The following CLCN6 variants were observed in gnomAD, a reference collection of about 807,000 sequenced individuals.
CLCN6 encodes Cl-/H+ antiporter 6, also known as H(+)/Cl(-) exchange transporter 6.
Under a neutral mutation model 109.8 loss-of-function variants are expected in CLCN6, and 70 were observed. The ratio of observed to expected loss-of-function variants is 0.64; its 90% CI spans 0.53 to 0.78. The LOEUF (loss-of-function observed/expected upper bound fraction) is 0.78. CLCN6 is among the 30% of genes least tolerant of loss of function. The pLI is 0.00. For synonymous variants in CLCN6, 444 were observed against 447.8 expected (o/e 0.99, Z 0.11); for missense variants, 984 against 1,142.3 (o/e 0.86, Z 2.00).
At position 11,834,542 on chromosome 1, in the gene CLCN6, T is replaced by C; in HGVS notation, c.1745T>C (p.Leu582Pro). ...GGCATTTATGATATCCACGTGGGCC[T>C]GCGAGGCGTGCCGCTTCTGGAATGG... ...NKGIYDIHVGLRGVPLLEWET... is the reference protein window; with the variant it reads ...NKGIYDIHVGPRGVPLLEWET... Residue 582 changes from leucine (L) to proline (P), a missense_variant, in exon 17 of 23, where the codon CTG becomes CCG. Leu to Pro is a moderately conservative substitution (Grantham distance 98). Transcript: ENST00000346436. This position sits in a 1 kb window ranked among gnomAD's most constrained non-coding sequence, Gnocchi z 4.5. 6.2e-7 allele frequency: 1 copy of C among 1,614,124 alleles called. No homozygotes were observed. The highest frequency in any genetic ancestry group is 2.2e-5 in the East Asian group (1 of 44,876).
intron 13 of CLCN6, among the ~76,000 whole-genome samples, chr1:11,829,673 C>T: frequency 7.1e-6 from 1 of 139,950 alleles, no homozygotes; most frequent in East Asian, 2.0e-4. Flanking sequence ...ACCCTGGCGT[C>T]ACAGAGGGGA....
chr1:11,825,906 G>GT (rs1031371555), intron 8 of CLCN6, among the ~76,000 whole-genome samples: 7 of 152,198 alleles, frequency 4.6e-5, no homozygotes, highest in Non-Finnish European at 1.0e-4. Flanking sequence ...GATTACAGGC[G>GT]TGAGCCATGA....
At chr1:11,824,442 G>A (rs374523990) in intron 7 of CLCN6, 44 bp from the exon 8 acceptor site, 50 of 1,541,500 alleles carry the variant, frequency 3.2e-5, no homozygotes, top group African/African-American at 1.6e-4. Flanking sequence ...ACCCAGGGGC[G>A]TTTCTGCACT....
chr1:11,811,243 G>A (rs1557777914), intron 2 of CLCN6, among the ~76,000 whole-genome samples: 1 of 152,010 alleles, frequency 6.6e-6, no homozygotes, highest in African/African-American at 2.4e-5. Context: ...CTAGCGTTGC[G>A]GTTGTTTCTA....
chr1:11,839,909 G>A (rs1644997861), intron 22 of CLCN6, among the ~76,000 whole-genome samples: 1 of 152,250 alleles, frequency 6.6e-6, no homozygotes, highest in African/African-American at 2.4e-5. Context: ...CCCTGTGGAA[G>A]GACATTTTAG....
In CLCN6 at chr1:11,838,398, A is replaced by T. The variant is rs1308537309; in HGVS notation, c.2359A>T (p.Ile787Phe). The T allele has an allele frequency of 1.9e-6, 3 of 1,613,892 alleles. No individual in the cohort carries two copies. Among genetic ancestry groups the T allele is most frequent in the African/African-American group, 2.7e-5 (2 of 74,920 alleles). Reference sequence around the variant, plus strand: ...CGAGGACTACCCGCGGTACCCCGACATCCACGACCTGGACCTGACGCTGCT... The same window carrying T: ...CGAGGACTACCCGCGGTACCCCGACTTCCACGACCTGGACCTGACGCTGCT... ...MAEDYPRYPD[I>F]HDLDLTLLNP... Residue 787 changes from isoleucine (I) to phenylalanine (F), a missense_variant, in exon 21 of 23, where the codon ATC (isoleucine) becomes TTC (phenylalanine). Ile to Phe is a conservative substitution (Grantham distance 21). Coordinates refer to ENST00000346436, the MANE Select transcript of CLCN6 (RefSeq NM_001286.5).
At chr1:11,822,404 A>G (rs1020421800) in intron 5 of CLCN6, among the ~76,000 whole-genome samples, 5 of 152,136 alleles carry the variant, frequency 3.3e-5, no homozygotes, top group Non-Finnish European at 5.9e-5. Context: ...GACCATAGGC[A>G]TATACCTTTT....
rs1644923977 is a variant in CLCN6 at position 11,834,764 on chromosome 1, C to CGGGGGCAGGGCA, written c.1793+179_1793+190dup. On this transcript the variant is annotated intron_variant, in intron 17 of 22. Transcript: ENST00000346436. This position sits in a 1 kb window ranked among gnomAD's most constrained non-coding sequence, Gnocchi z 4.5. ...GGAGCAGCCCATGGGCTGGGGGCTG[C>CGGGGGCAGGGCA]GGGGGCAGGGCAGGGGACACGGGCA... 6.6e-6 allele frequency among the ~76,000 whole-genome samples: 1 copy of CGGGGGCAGGGCA among 152,062 alleles called. No individual in the cohort carries two copies. Among genetic ancestry groups the CGGGGGCAGGGCA allele is most frequent in the South Asian group, 2.1e-4 (1 of 4,822 alleles).
In CLCN6 at chr1:11,837,641, C is replaced by CGCCACAGCCGGGTGGTGAGAA. The variant is rs1553121809; in HGVS notation, c.2295+145_2295+165dup. 5 of 793,010 alleles carry CGCCACAGCCGGGTGGTGAGAA rather than the reference C, an allele frequency of 6.3e-6. No homozygotes were observed. The African/African-American group carries it at 8.7e-5, about 14-fold the overall frequency. 49.1% of individuals were successfully genotyped at this position (793,010 alleles called of 1,614,324 possible). ...TGCAGAGTGGACTTAGGGGAGGAGT[C>CGCCACAGCCGGGTGGTGAGAA]GCCACAGCCGGGTGGTGAGAAGCAA... On this transcript the variant is annotated intron_variant, in intron 20 of 22. Transcript: ENST00000346436.
At chr1:11,813,391 GA>G (rs1246754043) in intron 2 of CLCN6, among the ~76,000 whole-genome samples, 5 of 150,244 alleles carry the variant, frequency 3.3e-5, no homozygotes, top group Admixed American at 1.3e-4. Context: ...CAGTAAAAAA[GA>G]TTTTTTTTTT....
Position 11,837,447 on chromosome 1 carries a change from C to G in CLCN6, c.2243C>G (p.Ser748Trp), listed in dbSNP as rs200061168. Residue 748 changes from serine to tryptophan, a missense_variant, in exon 20 of 23, where the codon TCG (serine) becomes TGG (tryptophan). Physicochemically the swap from Ser to Trp is radical, Grantham distance 177. Transcript: ENST00000346436. ...PLTFHGLILR[S>W]QLVTLLVRGV... The stretch of plus-strand genomic sequence containing the variant: ...ACCTTCCACGGCCTGATCCTTCGGT[C>G]GCAGCTTGTCACCCTGCTTGTCCGA... 1 of 1,614,104 alleles carries G rather than the reference C, an allele frequency of 6.2e-7. No individual in the cohort carries two copies. Among genetic ancestry groups the G allele is most frequent in the Non-Finnish European group, 8.5e-7 (1 of 1,180,000 alleles).
At chr1:11,813,089 C>A (rs1489170184) in intron 2 of CLCN6, among the ~76,000 whole-genome samples, 1 of 152,214 alleles carries the variant, frequency 6.6e-6, no homozygotes, top group African/African-American at 2.4e-5. Context: ...CTCCCACATC[C>A]CTATCTCCCC....
At position 11,837,121 on chromosome 1, in the gene CLCN6, G is replaced by A. The variant is rs1166223556; in HGVS notation, c.2103G>A (p.Glu701=). 1 of 1,613,248 alleles carries A rather than the reference G, an allele frequency of 6.2e-7. No individual in the cohort carries two copies. The highest frequency in any genetic ancestry group is 8.5e-7 in the Non-Finnish European group (1 of 1,180,010). ...ACATCGCCTCTGAGGAGCCAGCCGA[G>A]AAGGAGGACCTCCTGCAGCAGATGC... is the stretch of plus-strand genomic sequence containing the variant. ...DEHIASEEPA[E]KEDLLQQMLE... Residue 701 remains glutamate, a synonymous_variant, in exon 19 of 23, where the codon GAG becomes GAA. Transcript: ENST00000346436.
At chr1:11,824,585 G>A (rs1644788354) in intron 8 of CLCN6, 32 bp downstream of exon 8, 1 of 1,591,222 alleles carries the variant, frequency 6.3e-7, no homozygotes, top group South Asian at 1.1e-5. Flanking sequence ...TGGGCCTCTG[G>A]GCAGGCCTAG....
chr1:11,824,693 A>G (rs1351291898), intron 8 of CLCN6, 140 bp downstream of exon 8: 15 of 544,318 alleles, frequency 2.8e-5, no homozygotes, highest in African/African-American at 1.4e-4. Flanking sequence ...CCATGTGTCT[A>G]TCTCTCAGGA....
In CLCN6 at chr1:11,834,629, G is replaced by A. The variant is rs779773864; in HGVS notation, c.1793+39G>A. 31 of 1,529,692 alleles carry A rather than the reference G, an allele frequency of 2.0e-5. No individual in the cohort carries two copies. The highest frequency in any genetic ancestry group is 1.6e-4 in the South Asian group (14 of 89,052). The allele number at this position is 1,529,692 out of a possible 1,614,324, so 94.8% of individuals were successfully genotyped here. On this transcript the variant is annotated intron_variant, in intron 17 of 22. Transcript: ENST00000346436. This position sits in a 1 kb window ranked among gnomAD's most constrained non-coding sequence, Gnocchi z 4.5. ...TTTGCTCATGTCCTAGTTTCAGAAT[G>A]TATAAGCTCTGAGGCCTAAGGAATG... is the stretch of plus-strand genomic sequence containing the variant.
chr1:11,819,357 G>C, intron 4 of CLCN6, 131 bp from the exon 5 acceptor site: 1 of 798,880 alleles, frequency 1.3e-6, no homozygotes, highest in African/African-American at 1.7e-5. Flanking sequence ...GTGCATTCAC[G>C]TACTGCTGGC....
At chr1:11,830,268 C>T (rs1269479262) in intron 13 of CLCN6, 4 of 152,200 alleles carry the variant, frequency 2.6e-5, no homozygotes, top group African/African-American at 9.6e-5. Flanking sequence ...TGGCTGCAGA[C>T]AGGTGAGCAT....
intron 1 of CLCN6, 97 bp from the exon 2 acceptor site, chr1:11,807,034 A>T (rs1343468699): frequency 1.8e-6 from 2 of 1,096,864 alleles, no homozygotes; most frequent in Admixed American, 1.9e-5. Context: ...ATGGCTCCAG[A>T]TGATTTAGAA....
Sources: gnomAD v4.1 joint callset for allele counts (sites outside exome capture counted in the v4.1 genomes callset) on GRCh38, gnomAD v4.1.1 for gene constraint, Gnocchi (gnomAD v3.1) non-coding constraint, MANE v1.5 for transcripts, NCBI Gene and HGNC (gene_info 2026-07-23, HGNC 2026-07-21) for gene names.